The following KCNU1 variants were observed in gnomAD, a reference collection of about 807,000 sequenced individuals.
KCNU1 encodes the protein potassium channel subfamily U member 1.
Under a neutral mutation model 126.8 loss-of-function variants are expected in KCNU1, and 93 were observed. The observed-to-expected ratio is 0.73, with a 90% confidence interval of 0.62 to 0.87. The LOEUF (loss-of-function observed/expected upper bound fraction) is 0.87. KCNU1 is among the 40% of genes least tolerant of loss of function. KCNU1 has a pLI of 0.00. For missense variants in KCNU1, 1,330 were observed against 1,367.1 expected, an observed-to-expected ratio of 0.97 and a Z score of 0.43; for synonymous variants, 523 against 494.2, an observed-to-expected ratio of 1.06 and a Z score of -0.77.
At chr8:36,847,184 A>G (rs1044198886) in intron 18 of KCNU1, among the ~76,000 whole-genome samples, 1 of 152,190 alleles carries the variant, frequency 6.6e-6, no homozygotes, top group Non-Finnish European at 1.5e-5. Flanking sequence ...TCTTTTCAGT[A>G]GTCCTTGTCT....
intron 19 of KCNU1, among the ~76,000 whole-genome samples, chr8:36,885,333 T>A (rs371823525): frequency 6.6e-6 from 1 of 152,232 alleles, no homozygotes; most frequent in East Asian, 1.9e-4. Flanking sequence ...GGCGGGCAGA[T>A]CCCCTGAGGT....
chr8:36,814,103 T>C (rs1046219472), intron 7 of KCNU1, 104 bp from the exon 8 acceptor site: 3 of 811,460 alleles, frequency 3.7e-6, no homozygotes, highest in Admixed American at 5.3e-5. Context: ...TGGTATTTCA[T>C]TTGGATTGAA....
chr8:36,931,805 T>C lies in KCNU1; in HGVS notation c.2931+660T>C, dbSNP rs139561369. Among the ~76,000 whole-genome samples the C allele has an allele frequency of 4.7e-4, 71 of 152,132 alleles. No individual in the cohort carries two copies. In the East Asian group the frequency reaches 7.4e-3, roughly 16 times the overall value. ...TCTGGCTGCACTGGCCAGTGGAAAA[T>C]GCTTGCATTTTCTTAGCTGAGGGAG... On this transcript the variant is annotated intron_variant, in intron 25 of 26. Transcript: ENST00000399881.
chr8:36,786,428 CAA>C lies in KCNU1; in HGVS notation c.196-876_196-875del, dbSNP rs1197365875. Among the ~76,000 whole-genome samples the C allele has an allele frequency of 4.6e-5, 7 of 152,252 alleles. No individual in the cohort carries two copies. In the East Asian group the frequency reaches 1.4e-3, roughly 29 times the overall value. On this transcript the variant is annotated intron_variant, in intron 1 of 26. Transcript: ENST00000399881. ...CATTGATCAGGATGTGAACTTTTAT[CAA>C]AGAGTTTTTTAATGAGACTTCCCTT...
rs919942380 is a variant in KCNU1 at position 36,878,244 on chromosome 8, T to C, written c.2009+13723T>C. 2.6e-5 allele frequency among the ~76,000 whole-genome samples: 4 copies of C among 152,228 alleles called. 1 individual carries two copies. The highest frequency in any genetic ancestry group is 2.0e-4 in the Admixed American group (3 of 15,282). Reference sequence around the variant, plus strand: ...AAAATAAAGACAAGAAAATTTCTGATAAGGAATTTCAGATCAGAAAAACTC... The same window carrying C: ...AAAATAAAGACAAGAAAATTTCTGACAAGGAATTTCAGATCAGAAAAACTC... On this transcript the variant is annotated intron_variant, in intron 19 of 26. Coordinates refer to ENST00000399881, the MANE Select transcript of KCNU1 (RefSeq NM_001031836.3).
intron 19 of KCNU1, among the ~76,000 whole-genome samples, chr8:36,875,523 G>T (rs539344791): frequency 1.6e-4 from 24 of 151,364 alleles, no homozygotes; most frequent in Non-Finnish European, 3.1e-4. Flanking sequence ...ATAAGGAGTG[G>T]CAAAGTTTAC....
At chr8:36,933,348 C>A (rs1808759222) in intron 26 of KCNU1, among the ~76,000 whole-genome samples, 1 of 152,102 alleles carries the variant, frequency 6.6e-6, no homozygotes, top group South Asian at 2.1e-4. Flanking sequence ...CATGTCTGTA[C>A]AACTTTCTAA....
intron 19 of KCNU1, among the ~76,000 whole-genome samples, chr8:36,875,008 G>T (rs1207659520): frequency 2.6e-5 from 4 of 151,862 alleles, no homozygotes; most frequent in African/African-American, 9.7e-5. Flanking sequence ...TCTGCTTCCT[G>T]GTTTCCTCCT....
chr8:36,883,295 G>A (rs925549944), intron 19 of KCNU1, among the ~76,000 whole-genome samples: 2 of 152,208 alleles, frequency 1.3e-5, no homozygotes, highest in Non-Finnish European at 2.9e-5. Context: ...TAGGCTTGAT[G>A]TCTGGCTCAC....
chr8:36,786,397 G>A (rs1015834157), intron 1 of KCNU1, among the ~76,000 whole-genome samples: 1 of 152,102 alleles, frequency 6.6e-6, no homozygotes, highest in Non-Finnish European at 1.5e-5. Context: ...TTATTAGAGG[G>A]CAAATCATTG....
chr8:36,923,182 C>G, intron 24 of KCNU1: 1 of 416,320 alleles, frequency 2.4e-6, no homozygotes. Context: ...CATTAGGATT[C>G]CCCTGGGTGG....
intron 19 of KCNU1, among the ~76,000 whole-genome samples, chr8:36,883,506 T>G (rs1204711734): frequency 6.6e-6 from 1 of 152,132 alleles, no homozygotes; most frequent in Middle Eastern, 3.2e-3. Context: ...TCCACTGGCT[T>G]GGCAACATGG....
At chr8:36,915,546 C>A (rs898822002) in intron 22 of KCNU1, among the ~76,000 whole-genome samples, 10 of 152,326 alleles carry the variant, frequency 6.6e-5, no homozygotes, top group African/African-American at 2.4e-4. Flanking sequence ...AATCTCATTT[C>A]CTTACTTTAA....
intron 16 of KCNU1, among the ~76,000 whole-genome samples, chr8:36,842,762 C>T (rs1036255483): frequency 1.3e-5 from 2 of 152,280 alleles, no homozygotes; most frequent in South Asian, 4.2e-4. Context: ...CCTCCGCCTC[C>T]CAGGTTCAAG....
intron 19 of KCNU1, among the ~76,000 whole-genome samples, chr8:36,872,550 C>A (rs1806141012): frequency 6.6e-6 from 1 of 152,102 alleles, no homozygotes; most frequent in South Asian, 2.1e-4. Flanking sequence ...TCAGATCCCC[C>A]ATCCAGTAAA....
rs1585579632 is a variant in KCNU1, at chr8:36,928,999, A to T, written c.2737-1952A>T. 20 of 699,768 alleles carry T rather than the reference A, an allele frequency of 2.9e-5. No individual in the cohort carries two copies. The East Asian group carries it at 5.4e-4, about 19-fold the overall frequency. The allele number at this position is 699,768 out of a possible 1,614,324, so 43.3% of individuals were successfully genotyped here. Reference sequence around the variant, plus strand: ...ATGATAAAGAAAACAGAATTTAGCAATGTGTGCAGTATATTTTACTTAATC... The same window carrying T: ...ATGATAAAGAAAACAGAATTTAGCATTGTGTGCAGTATATTTTACTTAATC... On this transcript the variant is annotated intron_variant, in intron 24 of 26. Transcript: ENST00000399881.
intron 18 of KCNU1, among the ~76,000 whole-genome samples, chr8:36,847,989 T>A (rs936908458): frequency 6.6e-6 from 1 of 151,706 alleles, no homozygotes; most frequent in African/African-American, 2.4e-5. Flanking sequence ...GTTTTGTTTT[T>A]TGTCTTTTTC....
chr8:36,862,562 C>G (rs923061673), intron 18 of KCNU1, among the ~76,000 whole-genome samples: 1 of 152,080 alleles, frequency 6.6e-6, no homozygotes, highest in Non-Finnish European at 1.5e-5. Context: ...TTCTGTCCAC[C>G]CCACACACAT....
chr8:36,799,625 C>T (rs1302954832), intron 2 of KCNU1, among the ~76,000 whole-genome samples: 1 of 151,744 alleles, frequency 6.6e-6, no homozygotes, highest in Non-Finnish European at 1.5e-5. Context: ...ACCTCTGCCT[C>T]CCGGGTTCAA....
Sources: allele counts gnomAD v4.1 joint callset (sites outside exome capture counted in the v4.1 genomes callset), GRCh38; gene constraint gnomAD v4.1.1; transcripts MANE v1.5; gene names NCBI Gene and HGNC (gene_info 2026-07-23, HGNC 2026-07-21).